Variants in SH3RF3 observed in about 807,000 individuals in gnomAD.
SH3RF3 encodes the protein E3 ubiquitin-protein ligase SH3RF3.
SH3RF3 carries 29 observed loss-of-function variants against 66.3 expected under a neutral mutation model. That is an observed-to-expected ratio of 0.44 (90% CI 0.33 to 0.60). SH3RF3 has a LOEUF of 0.60. SH3RF3 is among the 20% of genes least tolerant of loss of function. The pLI is 0.04. For synonymous variants in SH3RF3, 583 were observed against 532.0 expected, an observed-to-expected ratio of 1.10 and a Z score of -1.32; for missense variants, 1,194 against 1,190.9, an observed-to-expected ratio of 1.00 and a Z score of -0.04.
intron 8 of SH3RF3, among the ~76,000 whole-genome samples, 200 bp downstream of exon 8, chr2:109,449,689 T>G (rs961665627): frequency 1.3e-5 from 2 of 152,200 alleles, no homozygotes; most frequent in Admixed American, 1.3e-4. Flanking sequence ...AGGCAGGCCT[T>G]GGGTGCTGGC....
intron 1 of SH3RF3, among the ~76,000 whole-genome samples, chr2:109,245,123 C>G (rs1462313656): frequency 6.6e-6 from 1 of 152,140 alleles, no homozygotes; most frequent in Admixed American, 6.5e-5. Context: ...AATGAGAGCC[C>G]CTCCACCATC....
intron 3 of SH3RF3, among the ~76,000 whole-genome samples, chr2:109,395,390 A>G (rs1166751962): frequency 6.6e-6 from 1 of 152,206 alleles, no homozygotes; most frequent in Non-Finnish European, 1.5e-5. Context: ...GATACAGCCT[A>G]ACCCCTCCTC....
At chr2:109,150,097 A>G (rs1677195617) in intron 1 of SH3RF3, among the ~76,000 whole-genome samples, 1 of 152,188 alleles carries the variant, frequency 6.6e-6, no homozygotes, top group Admixed American at 6.5e-5. Flanking sequence ...GGTGAGCAGC[A>G]CTGATCTAAA....
intron 2 of SH3RF3, among the ~76,000 whole-genome samples, chr2:109,349,307 A>T (rs1471194782): frequency 1.3e-5 from 2 of 152,162 alleles, no homozygotes; most frequent in African/African-American, 4.8e-5. Context: ...TCATTCAGGG[A>T]TTCAACTCCT....
intron 1 of SH3RF3, among the ~76,000 whole-genome samples, chr2:109,190,860 T>A (rs1167506619): frequency 6.6e-6 from 1 of 151,890 alleles, no homozygotes; most frequent in Non-Finnish European, 1.5e-5. Context: ...AAGCACTTAC[T>A]GTATGTAAAG....
chr2:109,400,573 G>GCA (rs61479132), intron 4 of SH3RF3, among the ~76,000 whole-genome samples: 5,183 of 144,390 alleles, frequency 0.036, 221 homozygotes, highest in African/African-American at 0.11. Context: ...ACACACCTGT[G>GCA]CGCACACACA....
intron 1 of SH3RF3, among the ~76,000 whole-genome samples, chr2:109,199,633 G>GTTCC (rs1574499909): frequency 0.019 from 1 of 52 alleles, no homozygotes; most frequent in Admixed American, 0.12. Flanking sequence ...GGAATGGAAT[G>GTTCC]GAATGGAATG....
intron 1 of SH3RF3, among the ~76,000 whole-genome samples, chr2:109,143,089 G>A (rs191979811): frequency 7.2e-5 from 11 of 152,216 alleles, no homozygotes; most frequent in African/African-American, 2.6e-4. Context: ...CAGTGTGGGG[G>A]GCCTGCCATG....
At chr2:109,280,069 T>C (rs1680847116) in intron 1 of SH3RF3, among the ~76,000 whole-genome samples, 1 of 152,172 alleles carries the variant, frequency 6.6e-6, no homozygotes, top group Non-Finnish European at 1.5e-5. Flanking sequence ...CCTCCTATTT[T>C]TTTCGATCCC....
intron 6 of SH3RF3, among the ~76,000 whole-genome samples, chr2:109,435,299 C>G (rs560744153): frequency 6.6e-6 from 1 of 152,268 alleles, no homozygotes; most frequent in South Asian, 2.1e-4. Flanking sequence ...GACACCTGTC[C>G]CCCTCCAAAG....
At chr2:109,413,479 C>G (rs1676646152) in intron 4 of SH3RF3, among the ~76,000 whole-genome samples, 1 of 152,072 alleles carries the variant, frequency 6.6e-6, no homozygotes, top group African/African-American at 2.4e-5. Flanking sequence ...TTTTTCCTGC[C>G]CTGTCTCTGT....
At chr2:109,387,176 T>G (rs1312241008) in intron 3 of SH3RF3, among the ~76,000 whole-genome samples, 1 of 152,236 alleles carries the variant, frequency 6.6e-6, no homozygotes, top group Non-Finnish European at 1.5e-5. Context: ...TGGACAAATT[T>G]GAGATTGCGC....
intron 1 of SH3RF3, among the ~76,000 whole-genome samples, chr2:109,226,388 G>A (rs938296060): frequency 6.6e-6 from 1 of 152,182 alleles, no homozygotes; most frequent in African/African-American, 2.4e-5. Context: ...TACAGTGTCT[G>A]TGGCCCATGG....
intron 2 of SH3RF3, among the ~76,000 whole-genome samples, chr2:109,352,129 T>C (rs1333410248): frequency 6.6e-6 from 1 of 152,198 alleles, no homozygotes; most frequent in African/African-American, 2.4e-5. Flanking sequence ...ATGGAGTTGA[T>C]ATTAGGATTA....
At chr2:109,249,130 C>G (rs1469086779) in intron 1 of SH3RF3, among the ~76,000 whole-genome samples, 1 of 152,226 alleles carries the variant, frequency 6.6e-6, no homozygotes, top group Non-Finnish European at 1.5e-5. Flanking sequence ...ATTTCCCTGT[C>G]TTGGCCTCTC....
chr2:109,287,462 A>T (rs1053854541), intron 1 of SH3RF3, among the ~76,000 whole-genome samples: 2 of 152,174 alleles, frequency 1.3e-5, no homozygotes, highest in Admixed American at 6.6e-5. Context: ...GCTACCTGAG[A>T]TACCTAAGAG....
chr2:109,193,853 CG>C (rs1482686346), intron 1 of SH3RF3, among the ~76,000 whole-genome samples: 1 of 152,108 alleles, frequency 6.6e-6, no homozygotes, highest in Non-Finnish European at 1.5e-5. Flanking sequence ...CGTCTAGCCC[CG>C]GGGATGGGTT....
intron 8 of SH3RF3, among the ~76,000 whole-genome samples, chr2:109,482,566 C>T (rs903040326): frequency 5.3e-5 from 8 of 152,200 alleles, no homozygotes; most frequent in African/African-American, 9.7e-5. Flanking sequence ...CCCACTCCCG[C>T]GCCCAGCCCG....
intron 1 of SH3RF3, among the ~76,000 whole-genome samples, chr2:109,144,292 T>C (rs567005803): frequency 3.0e-4 from 46 of 152,260 alleles, no homozygotes; most frequent in Non-Finnish European, 5.6e-4. Context: ...ACCTTAAATA[T>C]ATACAATTTT....
Sources: allele counts gnomAD v4.1 joint callset (sites outside exome capture counted in the v4.1 genomes callset), GRCh38; gene constraint gnomAD v4.1.1; transcripts MANE v1.5; gene names NCBI Gene and HGNC (gene_info 2026-07-23, HGNC 2026-07-21).